TTC39A: variants seen among roughly 807,000 people sequenced by gnomAD.
The protein encoded by TTC39A is tetratricopeptide repeat protein 39A.
A neutral mutation model predicts 82.3 loss-of-function variants in TTC39A; 46 were observed. The observed-to-expected ratio is 0.56, with a 90% confidence interval of 0.44 to 0.71. The LOEUF is 0.71. TTC39A is among the 30% of genes least tolerant of loss of function. The pLI is 0.00. For missense variants in TTC39A, 543 were observed against 712.9 expected (o/e 0.76, Z 2.71); for synonymous variants, 254 against 275.2 (o/e 0.92, Z 0.76).
At chr1:51,307,421 A>G (rs886547507) in intron 6 of TTC39A, among the ~76,000 whole-genome samples, 1 of 152,336 alleles carries the variant, frequency 6.6e-6, no homozygotes, top group Non-Finnish European at 1.5e-5. Context: ...GGAAGCAGCC[A>G]CATTAAATGG....
At chr1:51,314,225 G>A (rs987457207) in intron 2 of TTC39A, among the ~76,000 whole-genome samples, 15 of 152,308 alleles carry the variant, frequency 9.8e-5, no homozygotes, top group African/African-American at 2.9e-4. Flanking sequence ...GGAGGGACGG[G>A]AACAATGCCA....
Position 51,321,825 on chromosome 1 carries a change from C to A in TTC39A, c.42G>T (p.Gly14=). The change falls in exon 2 of 18, where the codon GGG becomes GGT. Residue 14 remains glycine (G), a splice_region_variant and synonymous_variant. Coordinates refer to ENST00000680483, the MANE Select transcript of TTC39A (RefSeq NM_001297663.2). This position sits in a 1 kb window ranked among gnomAD's most constrained non-coding sequence, Gnocchi z 4.6. ...CCTCATGGAGGCTGCTCTCAGGAGT[C>A]CTGGGGGAAGAGATGCGGGGCATGA... ...AGGAPGALPA[G]TPESSLHEAL... The A allele has an allele frequency of 6.2e-7, 1 of 1,612,964 alleles. No homozygotes were observed. The highest frequency in any genetic ancestry group is 1.7e-5 in the Admixed American group (1 of 59,900).
intron 1 of TTC39A, chr1:51,329,532 T>G (rs902007985): frequency 1.3e-5 from 2 of 152,470 alleles, no homozygotes; most frequent in Non-Finnish European, 2.9e-5. Context: ...GCAAGCCCTG[T>G]GGAGACTTCC....
chr1:51,336,777 C>T (rs530447598), intron 1 of TTC39A, among the ~76,000 whole-genome samples: 19 of 152,216 alleles, frequency 1.2e-4, no homozygotes, highest in African/African-American at 2.4e-4. Context: ...ATTTCTGAAA[C>T]GGGGATGATG....
At chr1:51,313,561 T>C (rs6673430) in intron 2 of TTC39A, among the ~76,000 whole-genome samples, 178 of 152,258 alleles carry the variant, frequency 1.2e-3, no homozygotes, top group Non-Finnish European at 2.3e-3. Flanking sequence ...TCCAGCCCTC[T>C]TGATGTTTCT....
At chr1:51,331,819 G>A, upstream of TTC39A, 1 of 985,392 alleles carries the variant, frequency 1.0e-6, no homozygotes, top group Non-Finnish European at 1.2e-6. Flanking sequence ...ATCCAGACAA[G>A]GGGAGAGACT....
chr1:51,288,398 TCC>T lies in TTC39A; in HGVS notation c.1611-120_1611-119del. 3.3e-6 allele frequency: 5 copies of T among 1,511,994 alleles called. No individual in the cohort carries two copies. In the East Asian group the frequency reaches 1.1e-4, roughly 34 times the overall value. 93.7% of individuals were successfully genotyped at this position (1,511,994 alleles called of 1,614,324 possible). A position where few individuals can be genotyped will look rare whatever the true frequency, so the allele number is the denominator to read the frequency against. On this transcript the variant is annotated intron_variant, in intron 17 of 17. Transcript: ENST00000680483. This position sits in a 1 kb window ranked among gnomAD's most constrained non-coding sequence, Gnocchi z 4.8. The stretch of plus-strand genomic sequence containing the variant: ...GAAGGATTGTAGAGAAATTAATGTG[TCC>T]AGAGAGAGTTGAGCCCTACCCAATG...
At position 51,296,162 on chromosome 1, in the gene TTC39A, G is replaced by C; in HGVS notation, c.1062C>G (p.Tyr354Ter). 6.3e-7 allele frequency: 1 copy of C among 1,592,834 alleles called. No homozygotes were observed. Among genetic ancestry groups the C allele is most frequent in the Non-Finnish European group, 8.5e-7 (1 of 1,169,866 alleles). The change falls in exon 13 of 18, where the codon TAC becomes TAG. Residue 354 changes from tyrosine (Y) to a stop codon, truncating the protein, a stop_gained. Transcript: ENST00000680483. LOFTEE classifies it high-confidence loss of function. ...SKENCWSKAT[Y>*]IYMKAAYLSM... ...TGAGGTAGGCGGCCTTCATGTAAAT[G>C]TAGGTGGCCTGTGCGAGACAGAGCA... is the stretch of plus-strand genomic sequence containing the variant.
At chr1:51,330,927 G>A, upstream of TTC39A, 1 of 617,392 alleles carries the variant, frequency 1.6e-6, no homozygotes, top group South Asian at 1.8e-5. This position sits in a 1 kb window ranked among gnomAD's most constrained non-coding sequence, Gnocchi z 4.5. Flanking sequence ...GCATTAATGG[G>A]GGCATTCGTG....
chr1:51,293,545 T>G (rs1464525203), intron 14 of TTC39A, among the ~76,000 whole-genome samples: 2 of 152,208 alleles, frequency 1.3e-5, no homozygotes, highest in Non-Finnish European at 2.9e-5. Flanking sequence ...TATACCCATT[T>G]TACATAAGGG....
Position 51,344,216 on chromosome 1 carries a change from A to G in TTC39A, c.53+775T>C, listed in dbSNP as rs554770900. ...GCCAAGTTTGAGGTGTTCATAGGACAGTCAGATGGAGGTGTTGGGAGGACA... is the reference window on the plus strand; with the variant it reads ...GCCAAGTTTGAGGTGTTCATAGGACGGTCAGATGGAGGTGTTGGGAGGACA... On this transcript the variant is annotated intron_variant, in intron 1 of 5. Coordinates refer to the TTC39A transcript ENST00000401051. 8.7e-4 allele frequency among the ~76,000 whole-genome samples: 133 copies of G among 152,316 alleles called. 1 individual carries two copies. Among genetic ancestry groups the G allele is most frequent in the Admixed American group, 1.4e-3 (22 of 15,292 alleles).
At chr1:51,338,272 T>C (rs1645997788) in intron 1 of TTC39A, among the ~76,000 whole-genome samples, 1 of 152,188 alleles carries the variant, frequency 6.6e-6, no homozygotes, top group African/African-American at 2.4e-5. Flanking sequence ...TTCTTCACTA[T>C]AATCCAGGGC....
chr1:51,331,140 G>T (rs1557747294), upstream of TTC39A: 3 of 1,452,974 alleles, frequency 2.1e-6, no homozygotes, highest in Admixed American at 3.9e-5. Context: ...TTTGATTCAC[G>T]CATGGTCACT....
Position 51,288,024 on chromosome 1 carries a change from AT to A in TTC39A, c.*132del. The A allele has an allele frequency of 7.3e-7, 1 of 1,373,754 alleles. No individual in the cohort carries two copies. Among genetic ancestry groups the A allele is most frequent in the Non-Finnish European group, 9.8e-7 (1 of 1,019,394 alleles). 85.1% of individuals were successfully genotyped at this position (1,373,754 alleles called of 1,614,324 possible). Reference sequence around the variant, plus strand: ...AGCTCGGCTTCTGCACGGATACACTATGTTGTGCCATCCAACTGGAGTGCCG... The same window carrying A: ...AGCTCGGCTTCTGCACGGATACACTAGTTGTGCCATCCAACTGGAGTGCCG... On this transcript the variant is annotated 3_prime_UTR_variant, in exon 18 of 18. Coordinates refer to ENST00000680483, the MANE Select transcript of TTC39A (RefSeq NM_001297663.2). The surrounding 1 kb of genome is among the most constrained non-coding windows in gnomAD (Gnocchi z 4.8).
chr1:51,295,826 G>A, intron 13 of TTC39A: 3 of 569,586 alleles, frequency 5.3e-6, no homozygotes, highest in South Asian at 2.0e-5. Context: ...GGAGGAAGAC[G>A]ATATTAGCAA....
intron 13 of TTC39A, 133 bp downstream of exon 13, chr1:51,295,946 G>T (rs776965587): frequency 2.2e-6 from 2 of 912,248 alleles, no homozygotes; most frequent in Non-Finnish European, 3.5e-6. Flanking sequence ...GGGGCAGTCC[G>T]CGGGTGGGGG....
exon 1 of TTC39A, chr1:51,345,002 T>C: frequency 6.6e-7 from 1 of 1,523,858 alleles, no homozygotes; most frequent in Non-Finnish European, 8.8e-7. Context: ...TGCGGTCGCT[T>C]TTCCCGGAGG....
rs1011005015 is a variant in TTC39A, at chr1:51,287,963, T to C, written c.*194A>G. ...GCAGAGGGCTCCACCTGCTCTGCCCTTGGCAAAGGCCCTTGGCTACACTGG... is the reference window on the plus strand; with the variant it reads ...GCAGAGGGCTCCACCTGCTCTGCCCCTGGCAAAGGCCCTTGGCTACACTGG... On this transcript the variant is annotated 3_prime_UTR_variant, in exon 18 of 18. Coordinates refer to ENST00000680483, the MANE Select transcript of TTC39A (RefSeq NM_001297663.2). 6 of 847,826 alleles carry C rather than the reference T, an allele frequency of 7.1e-6. No homozygotes were observed. Among genetic ancestry groups the C allele is most frequent in the Non-Finnish European group, 8.8e-6 (5 of 569,758 alleles). 52.5% of individuals were successfully genotyped at this position (847,826 alleles called of 1,614,324 possible). A position where few individuals can be genotyped will look rare whatever the true frequency, so the allele number is the denominator to read the frequency against.
intron 2 of TTC39A, among the ~76,000 whole-genome samples, chr1:51,320,614 G>C (rs137894272): frequency 6.6e-6 from 1 of 150,842 alleles, no homozygotes; most frequent in Non-Finnish European, 1.5e-5. Context: ...ACCACACCCA[G>C]CTAATTTTTT....
Sources: allele counts gnomAD v4.1 joint callset (sites outside exome capture counted in the v4.1 genomes callset), GRCh38; gene constraint gnomAD v4.1.1; non-coding constraint Gnocchi (gnomAD v3.1); transcripts MANE v1.5; gene names NCBI Gene and HGNC (gene_info 2026-07-23, HGNC 2026-07-21).